STRN: variants seen among roughly 807,000 people sequenced by gnomAD.
STRN encodes the protein protein phosphatase 2 regulatory subunit B'''alpha.
Under a neutral mutation model 96.3 loss-of-function variants are expected in STRN, and 53 were observed. That is an observed-to-expected ratio of 0.55 (90% CI 0.44 to 0.69). STRN has a LOEUF of 0.69. STRN is among the 30% of genes least tolerant of loss of function. The pLI is 0.00. For synonymous variants in STRN, 428 were observed against 355.9 expected, an observed-to-expected ratio of 1.20 and a Z score of -2.28; for missense variants, 987 against 963.9, an observed-to-expected ratio of 1.02 and a Z score of -0.32.
In STRN at chr2:36,883,889, C is replaced by T. The variant is rs200775119; in HGVS notation, c.1186+43G>A. 43 of 1,312,852 alleles carry T rather than the reference C, an allele frequency of 3.3e-5. No homozygotes were observed. The East Asian group carries it at 1.1e-3, about 32-fold the overall frequency. The allele number at this position is 1,312,852 out of a possible 1,614,324, so 81.3% of individuals were successfully genotyped here. ...TCTAATGAATGAATTTAAAGATATACATCCAAGTGCATTTTGTGCTCCAGA... is the reference window on the plus strand; with the variant it reads ...TCTAATGAATGAATTTAAAGATATATATCCAAGTGCATTTTGTGCTCCAGA... On this transcript the variant is annotated intron_variant, in intron 9 of 17. Transcript: ENST00000263918.
At chr2:36,940,603 G>A (rs79857980) in intron 1 of STRN, among the ~76,000 whole-genome samples, 6,273 of 152,034 alleles carry the variant, frequency 0.041, 182 homozygotes, top group East Asian at 0.13. Context: ...CGAAGCGGAT[G>A]CATCACGAGG....
At chr2:36,959,265 A>C (rs1252162642) in intron 1 of STRN, among the ~76,000 whole-genome samples, 1 of 152,254 alleles carries the variant, frequency 6.6e-6, no homozygotes, top group Non-Finnish European at 1.5e-5. Flanking sequence ...AAAAAAAATA[A>C]ATAAATAAGC....
At chr2:36,931,244 A>C (rs1445481232) in intron 1 of STRN, among the ~76,000 whole-genome samples, 7 of 152,170 alleles carry the variant, frequency 4.6e-5, no homozygotes, top group Admixed American at 2.6e-4. Flanking sequence ...TTCCTTAGTT[A>C]TGACTATACT....
intron 2 of STRN, among the ~76,000 whole-genome samples, chr2:36,924,335 G>A (rs1447199415): frequency 1.6e-5 from 2 of 128,406 alleles, no homozygotes; most frequent in South Asian, 2.5e-4. Context: ...CAGCATGGGC[G>A]ACAGAGTGAG....
chr2:36,902,819 A>G, intron 4 of STRN, 68 bp from the exon 5 acceptor site: 2 of 1,322,806 alleles, frequency 1.5e-6, no homozygotes, highest in South Asian at 1.6e-5. Context: ...ATATGTAAAT[A>G]AAAGTATTTA....
chr2:36,915,442 A>G (rs957865534), intron 3 of STRN, among the ~76,000 whole-genome samples: 2 of 151,476 alleles, frequency 1.3e-5, no homozygotes, highest in Non-Finnish European at 2.9e-5. Context: ...ATACCTACTA[A>G]TAAGTGAATT....
At chr2:36,877,320 A>C (rs1166464077) in intron 10 of STRN, among the ~76,000 whole-genome samples, 1 of 152,214 alleles carries the variant, frequency 6.6e-6, no homozygotes, top group African/African-American at 2.4e-5. Flanking sequence ...CAAATTTGGT[A>C]ATGGAAAAAG....
At chr2:36,873,438 T>C (rs971781708) in intron 10 of STRN, among the ~76,000 whole-genome samples, 2 of 152,146 alleles carry the variant, frequency 1.3e-5, no homozygotes, top group Admixed American at 6.5e-5. Context: ...TGAACATCTG[T>C]AGTCCCAGGT....
In STRN at chr2:36,893,928, A is replaced by T. The variant is rs1166429281; in HGVS notation, c.901T>A (p.Ser301Thr). Reference protein sequence around the residue: ...LVTSEEGDNESRSAGDGTDWE... With the variant: ...LVTSEEGDNETRSAGDGTDWE... ...TCTGTTCCATCGCCTGCACTTCTAGATTCATTGTCTCCTTCCTCTGATGTA... is the reference window on the plus strand; with the variant it reads ...TCTGTTCCATCGCCTGCACTTCTAGTTTCATTGTCTCCTTCCTCTGATGTA... Residue 301 changes from serine to threonine, a missense_variant, in exon 7 of 18, where the codon TCT (serine) becomes ACT (threonine). Coordinates refer to ENST00000263918, the MANE Select transcript of STRN (RefSeq NM_003162.4). 6.2e-7 allele frequency: 1 copy of T among 1,613,136 alleles called. No homozygotes were observed. Among genetic ancestry groups the T allele is most frequent in the Non-Finnish European group, 8.5e-7 (1 of 1,179,678 alleles).
intron 1 of STRN, 106 bp downstream of exon 1, chr2:36,966,124 G>C (rs1665153370): frequency 1.5e-6 from 2 of 1,295,382 alleles, no homozygotes; most frequent in Non-Finnish European, 2.0e-6. Flanking sequence ...CGGCAGCAAA[G>C]GGGGAGGGGA....
intron 1 of STRN, among the ~76,000 whole-genome samples, chr2:36,931,877 G>A (rs938377380): frequency 2.0e-5 from 3 of 152,196 alleles, no homozygotes; most frequent in African/African-American, 4.8e-5. Context: ...TGCCCAGGCT[G>A]GAGTGCAGTC....
intron 5 of STRN, among the ~76,000 whole-genome samples, chr2:36,900,888 G>T (rs1261229408): frequency 6.6e-6 from 1 of 151,388 alleles, no homozygotes; most frequent in Non-Finnish European, 1.5e-5. Flanking sequence ...GTGAGACTCT[G>T]TCTCTAAATA....
intron 1 of STRN, 54 bp downstream of exon 1, chr2:36,966,176 G>C: frequency 6.9e-7 from 1 of 1,443,876 alleles, no homozygotes; most frequent in Non-Finnish European, 9.1e-7. Flanking sequence ...CCGGGGCGGG[G>C]CGGAAGGGAG....
rs1457665443 is a variant in STRN at position 36,842,142 on chromosome 2, G to T, written c.*7314C>A. On this transcript the variant is annotated 3_prime_UTR_variant, in exon 18 of 18. Coordinates refer to ENST00000263918, the MANE Select transcript of STRN (RefSeq NM_003162.4). ...ATTTCGGCACATATACAAACCACAA[G>T]CTGTTTATTTCTACAACTCACGATT... The T allele has an allele frequency of 1.3e-5, 2 of 152,158 alleles. No homozygotes were observed. The highest frequency in any genetic ancestry group is 6.6e-5 in the Admixed American group (1 of 15,262). 9.4% of individuals were successfully genotyped at this position (152,158 alleles called of 1,614,324 possible).
chr2:36,933,765 C>T (rs1670633172), intron 1 of STRN, among the ~76,000 whole-genome samples: 2 of 152,080 alleles, frequency 1.3e-5, no homozygotes, highest in Non-Finnish European at 2.9e-5. Flanking sequence ...CTGCCATGCC[C>T]AGCCAAGCAT....
At chr2:36,937,475 C>G (rs1380357936) in intron 1 of STRN, among the ~76,000 whole-genome samples, 2 of 151,660 alleles carry the variant, frequency 1.3e-5, no homozygotes, top group Non-Finnish European at 2.9e-5. Flanking sequence ...TCAAGACTAG[C>G]CTGGGCAACG....
In STRN at chr2:36,966,487, C is replaced by T. The variant is rs1216565733; in HGVS notation, c.-24G>A. 2 of 1,409,014 alleles carry T rather than the reference C, an allele frequency of 1.4e-6. No individual in the cohort carries two copies. The highest frequency in any genetic ancestry group is 1.8e-6 in the Non-Finnish European group (2 of 1,085,624). The allele number at this position is 1,409,014 out of a possible 1,614,324, so 87.3% of individuals were successfully genotyped here. On this transcript the variant is annotated 5_prime_UTR_variant, in exon 1 of 18. Coordinates refer to ENST00000263918, the MANE Select transcript of STRN (RefSeq NM_003162.4). ...ATGGCGGCCGCAGATACCCGGGGAG[C>T]TGCCCCGGCGCCCAGCAGCGGAGGC...
At chr2:36,895,739 C>T (rs1012475161) in intron 6 of STRN, among the ~76,000 whole-genome samples, 10 of 132,482 alleles carry the variant, frequency 7.5e-5, no homozygotes, top group Middle Eastern at 3.7e-3. Flanking sequence ...GTAAAAACCC[C>T]GTCTCTACTA....
intron 1 of STRN, among the ~76,000 whole-genome samples, chr2:36,943,144 T>G (rs1198242509): frequency 6.6e-6 from 1 of 152,158 alleles, no homozygotes; most frequent in Non-Finnish European, 1.5e-5. Context: ...ATATTTTGAC[T>G]GATTTTTTAA....
Sources: allele counts gnomAD v4.1 joint callset (sites outside exome capture counted in the v4.1 genomes callset), GRCh38; gene constraint gnomAD v4.1.1; transcripts MANE v1.5; gene names NCBI Gene and HGNC (gene_info 2026-07-23, HGNC 2026-07-21).